The following FAM133B variants were observed in gnomAD, a reference collection of about 807,000 sequenced individuals.
The protein encoded by FAM133B is family with sequence similarity 133 member B, also known as protein FAM133B.
In FAM133B, 25 loss-of-function variants were observed where a neutral mutation model predicts 46.4. The observed-to-expected ratio is 0.54, with a 90% CI of 0.39 to 0.75. The LOEUF (loss-of-function observed/expected upper bound fraction) is 0.75. FAM133B is among the 30% of genes least tolerant of loss of function. The pLI, the probability that FAM133B is intolerant of heterozygous loss-of-function variation, is 0.00. For synonymous variants in FAM133B, 75 were observed against 86.0 expected (o/e 0.87, Z 0.71); for missense variants, 205 against 277.6 (o/e 0.74, Z 1.86).
At chr7:92,571,145 G>A (rs1349097414) in intron 8 of FAM133B, among the ~76,000 whole-genome samples, 1 of 152,128 alleles carries the variant, frequency 6.6e-6, no homozygotes, top group Non-Finnish European at 1.5e-5. Context: ...CTTTAATAAC[G>A]ATGACTAAAT....
At position 92,569,922 on chromosome 7, in the gene FAM133B, A is replaced by G; in HGVS notation, c.517-7T>C. 8.0e-7 allele frequency: 1 copy of G among 1,252,276 alleles called. No homozygotes were observed. Among genetic ancestry groups the G allele is most frequent in the Non-Finnish European group, 1.1e-6 (1 of 947,590 alleles). The allele number at this position is 1,252,276 out of a possible 1,614,324, so 77.6% of individuals were successfully genotyped here. A position where few individuals can be genotyped will look rare whatever the true frequency, so the allele number is the denominator to read the frequency against. On this transcript the variant is annotated splice_region_variant and splice_polypyrimidine_tract_variant and intron_variant, in intron 8 of 10. Transcript: ENST00000445716. ...TGCTGAGTCCTTTAATATCCTATGA[A>G]AAATAAATACATTTATCTTGACTCA... is the stretch of plus-strand genomic sequence containing the variant.
rs182483445 is a variant in FAM133B, at chr7:92,590,385, C to A, written c.-94G>T. 76 of 1,585,394 alleles carry A rather than the reference C, an allele frequency of 4.8e-5. 1 individual carries two copies. The African/African-American group carries it at 7.0e-4, about 15-fold the overall frequency. The stretch of plus-strand genomic sequence containing the variant: ...GCCGCAGGTCCTCTTGCCGCCTCCC[C>A]ACTCCGCCTAGAGAGCGGCACCACG... On this transcript the variant is annotated 5_prime_UTR_variant, in exon 1 of 11. Coordinates refer to ENST00000445716, the MANE Select transcript of FAM133B (RefSeq NM_152789.4).
chr7:92,581,390 A>T (rs1406342856), intron 2 of FAM133B, 116 bp downstream of exon 2: 4 of 807,016 alleles, frequency 5.0e-6, no homozygotes, highest in East Asian at 5.5e-5. Context: ...AATGTTACTT[A>T]AAAAAATTAC....
intron 1 of FAM133B, among the ~76,000 whole-genome samples, chr7:92,582,883 T>C (rs1463946727): frequency 6.6e-6 from 1 of 152,172 alleles, no homozygotes; most frequent in Non-Finnish European, 1.5e-5. Context: ...ACATTGTTGG[T>C]GGGAATGTAA....
At position 92,564,783 on chromosome 7, in the gene FAM133B, T is replaced by C. The variant is rs143653646; in HGVS notation, c.657+1231A>G. Among the ~76,000 whole-genome samples, 308 of 152,338 alleles carry C rather than the reference T, an allele frequency of 2.0e-3. 1 individual carries two copies. The highest frequency in any genetic ancestry group is 7.1e-3 in the African/African-American group (297 of 41,580). On this transcript the variant is annotated intron_variant, in intron 10 of 10. Transcript: ENST00000445716. Reference sequence around the variant, plus strand: ...GGGCCCCTAAATTACTTTGCTGATATTGTTGGCATTACTCTTTGAAAATAA... The same window carrying C: ...GGGCCCCTAAATTACTTTGCTGATACTGTTGGCATTACTCTTTGAAAATAA...
intron 1 of FAM133B, among the ~76,000 whole-genome samples, chr7:92,588,226 T>G (rs189926726): frequency 6.6e-6 from 1 of 152,344 alleles, no homozygotes; most frequent in African/African-American, 2.4e-5. Context: ...AGCCCAGAGC[T>G]ATCAAAATGT....
chr7:92,578,182 T>C lies in FAM133B; in HGVS notation c.277A>G (p.Arg93Gly), dbSNP rs765526321. 2 of 1,611,828 alleles carry C rather than the reference T, an allele frequency of 1.2e-6. No homozygotes were observed. The highest frequency in any genetic ancestry group is 4.5e-5 in the East Asian group (2 of 44,820). The part of the protein sequence containing the change: ...GSESSSKKRQ[R>G]KKKEKKKSGR... ...GATTTCTTCTTTTCTTTTTTCTTTC[T>C]CTAAATGGAAACAAAAGTACAAGTC... Residue 93 changes from arginine (R) to glycine (G), a missense_variant and splice_region_variant, in exon 5 of 11, where the codon AGA (arginine) becomes GGA (glycine). Arg to Gly is a moderately radical substitution (Grantham distance 125). Coordinates refer to ENST00000445716, the MANE Select transcript of FAM133B (RefSeq NM_152789.4).
intron 1 of FAM133B, 194 bp downstream of exon 1, chr7:92,590,074 G>A (rs1252475713): frequency 1.5e-6 from 1 of 689,516 alleles, no homozygotes; most frequent in Non-Finnish European, 2.4e-6. Flanking sequence ...GGGCAAGAGA[G>A]AGCTGGGAAC....
Position 92,577,193 on chromosome 7 carries a change from A to AT in FAM133B, c.374dup (p.Asp125GlufsTer2). The AT allele has an allele frequency of 6.8e-7, 1 of 1,474,018 alleles. No homozygotes were observed. The allele number at this position is 1,474,018 out of a possible 1,614,324, so 91.3% of individuals were successfully genotyped here. On this transcript the variant is annotated frameshift_variant and splice_region_variant, in exon 7 of 11. Coordinates refer to ENST00000445716, the MANE Select transcript of FAM133B (RefSeq NM_152789.4). LOFTEE classifies it high-confidence loss of function. ...TCTTTCTCCGTTTTCCTTGTTTCTT[A>AT]TCCTACATAAAATATTTTTAGAAAC...
At chr7:92,576,827 C>T (rs1262773759) in intron 7 of FAM133B, among the ~76,000 whole-genome samples, 1 of 152,088 alleles carries the variant, frequency 6.6e-6, no homozygotes, top group Non-Finnish European at 1.5e-5. Context: ...TCATTTTAAG[C>T]CAATGCTTTT....
intron 8 of FAM133B, 68 bp from the exon 9 acceptor site, chr7:92,569,983 T>C (rs1428534056): frequency 4.9e-6 from 3 of 615,632 alleles, no homozygotes; most frequent in Admixed American, 4.3e-5. Context: ...TGTTTCTAAG[T>C]TCTATTTAAT....
At chr7:92,577,360 T>G (rs189152155) in intron 6 of FAM133B, 165 bp from the exon 7 acceptor site, 5 of 475,216 alleles carry the variant, frequency 1.1e-5, no homozygotes, top group African/African-American at 6.0e-5. Context: ...AAAGATCAAG[T>G]GATTTGAATC....
chr7:92,563,433 T>A (rs1021028521), intron 10 of FAM133B, among the ~76,000 whole-genome samples: 1 of 152,194 alleles, frequency 6.6e-6, no homozygotes, highest in African/African-American at 2.4e-5. Flanking sequence ...ATTTTCTTCT[T>A]AGCTTCCATG....
intron 9 of FAM133B, 41 bp downstream of exon 9, chr7:92,569,782 G>C (rs1371206601): frequency 1.0e-6 from 1 of 955,256 alleles, no homozygotes; most frequent in Non-Finnish European, 1.5e-6. Flanking sequence ...CAATAACTAA[G>C]CATTTTAAAA....
intron 1 of FAM133B, chr7:92,589,927 A>G: frequency 5.0e-6 from 2 of 402,446 alleles, no homozygotes; most frequent in Non-Finnish European, 4.5e-6. Context: ...TCGGAGTTAC[A>G]TGGCGGGGCC....
chr7:92,579,168 G>A lies in FAM133B; in HGVS notation c.201+149C>T, dbSNP rs2116408161. On this transcript the variant is annotated intron_variant, in intron 3 of 10. Transcript: ENST00000445716. Reference sequence around the variant, plus strand: ...TTTTCTTTTTTTTAATGGAGACAAGGGCGGCGGGGGGGGGCCTTACTTTGT... The same window carrying A: ...TTTTCTTTTTTTTAATGGAGACAAGAGCGGCGGGGGGGGGCCTTACTTTGT... The A allele has an allele frequency of 1.3e-5, 8 of 627,034 alleles. No individual in the cohort carries two copies. In the South Asian group the frequency reaches 1.3e-4, roughly 10 times the overall value. 38.8% of individuals were successfully genotyped at this position (627,034 alleles called of 1,614,324 possible).
chr7:92,565,872 G>C (rs1426449066), intron 10 of FAM133B, 142 bp downstream of exon 10: 1 of 783,536 alleles, frequency 1.3e-6, no homozygotes, highest in African/African-American at 1.7e-5. Context: ...TACCCATTAA[G>C]TGAAGCTGCT....
chr7:92,569,764 T>C, intron 9 of FAM133B, 59 bp downstream of exon 9: 1 of 817,658 alleles, frequency 1.2e-6, no homozygotes, highest in Non-Finnish European at 1.8e-6. Context: ...AAGTCATATT[T>C]ATTAAATCAA....
intron 8 of FAM133B, among the ~76,000 whole-genome samples, chr7:92,571,435 A>C (rs1410806636): frequency 6.6e-6 from 1 of 152,160 alleles, no homozygotes; most frequent in East Asian, 1.9e-4. Flanking sequence ...TGTTCATTGT[A>C]GTTAAACTTT....
Sources: gnomAD v4.1 joint callset for allele counts (sites outside exome capture counted in the v4.1 genomes callset) on GRCh38, gnomAD v4.1.1 for gene constraint, MANE v1.5 for transcripts, NCBI Gene and HGNC (gene_info 2026-07-23, HGNC 2026-07-21) for gene names.